The following GSDMA variants were observed in gnomAD, a reference collection of about 807,000 sequenced individuals.
GSDMA encodes the protein gasdermin-A.
A neutral mutation model predicts 54.3 loss-of-function variants in GSDMA; 55 were observed. The observed-to-expected ratio is 1.01, with a 90% CI of 0.82 to 1.27. The LOEUF is 1.27. Ranked by LOEUF, GSDMA falls within the 50% of genes most tolerant of loss-of-function variation. GSDMA has a pLI of 0.00. For synonymous variants in GSDMA, 211 were observed against 224.7 expected, an observed-to-expected ratio of 0.94 and a Z score of 0.54; for missense variants, 542 against 542.6, an observed-to-expected ratio of 1.00 and a Z score of 0.01.
chr17:39,971,040 A>G (rs1006197122), intron 4 of GSDMA, among the ~76,000 whole-genome samples: 1 of 152,260 alleles, frequency 6.6e-6, no homozygotes, highest in Non-Finnish European at 1.5e-5. Flanking sequence ...GGAAAAGCCA[A>G]TGGAAATAAG....
chr17:39,965,644 C>T, intron 1 of GSDMA, 39 bp from the exon 2 acceptor site: 1 of 1,519,218 alleles, frequency 6.6e-7, no homozygotes, highest in East Asian at 2.4e-5. Flanking sequence ...GCAGCCTTGG[C>T]AGCCACCTTG....
chr17:39,971,690 C>A, intron 5 of GSDMA, 70 bp downstream of exon 5: 1 of 1,145,648 alleles, frequency 8.7e-7, no homozygotes, highest in Non-Finnish European at 1.3e-6. Flanking sequence ...GCACCCTGGT[C>A]CCCTCTTGCG....
Position 39,977,061 on chromosome 17 carries a change from T to C in GSDMA, c.*3T>C. On this transcript the variant is annotated 3_prime_UTR_variant, in exon 12 of 12. Coordinates refer to ENST00000301659, the MANE Select transcript of GSDMA (RefSeq NM_178171.5). ...AGCAGCTTACCAAGGCCTCCTAATT[T>C]GCCTTTTACGTCTGCTTCATGACTC... 1.2e-6 allele frequency: 2 copies of C among 1,613,752 alleles called. No homozygotes were observed. The highest frequency in any genetic ancestry group is 4.5e-5 in the East Asian group (2 of 44,860).
chr17:39,966,560 C>G, intron 3 of GSDMA, 123 bp downstream of exon 3: 1 of 875,054 alleles, frequency 1.1e-6, no homozygotes, highest in Non-Finnish European at 1.7e-6. Context: ...GTGGTCATGA[C>G]AGGGGAGCTC....
chr17:39,973,498 G>A (rs1214220970), intron 7 of GSDMA, among the ~76,000 whole-genome samples: 2 of 151,822 alleles, frequency 1.3e-5, no homozygotes, highest in Non-Finnish European at 2.9e-5. Flanking sequence ...CTGACCTCAG[G>A]TGATCCTCCC....
rs1442278430 is a variant in GSDMA, at chr17:39,965,836, G to C, written c.149G>C (p.Gly50Ala). 1 of 1,578,602 alleles carries C rather than the reference G, an allele frequency of 6.3e-7. No individual in the cohort carries two copies. Among genetic ancestry groups the C allele is most frequent in the South Asian group, 1.2e-5 (1 of 86,200 alleles). The change falls in exon 2 of 12, where the codon GGG becomes GCG. Residue 50 changes from glycine (G) to alanine (A), a missense_variant. Coordinates refer to ENST00000301659, the MANE Select transcript of GSDMA (RefSeq NM_178171.5). ...AAGAGGAAGAGCACGCTCTTCTGGG[G>C]GGCCCGGTACGTCCGCACCGACTAC... ...LRKRKSTLFW[G>A]ARYVRTDYTL...
chr17:39,969,208 C>G (rs1399338388), intron 3 of GSDMA, among the ~76,000 whole-genome samples: 1 of 151,732 alleles, frequency 6.6e-6, no homozygotes, highest in African/African-American at 2.4e-5. Flanking sequence ...CAATATTAGC[C>G]GGGCATGGTG....
chr17:39,975,829 A>G, intron 10 of GSDMA, 95 bp from the exon 11 acceptor site: 5 of 913,902 alleles, frequency 5.5e-6, no homozygotes, highest in Non-Finnish European at 8.5e-6. Context: ...ATTACATCCA[A>G]TGAATGAAGG....
chr17:39,971,647 C>A (rs1236011062), intron 5 of GSDMA, 27 bp downstream of exon 5: 2 of 1,559,734 alleles, frequency 1.3e-6, no homozygotes, highest in African/African-American at 2.7e-5. Context: ...ATGTTCTCCC[C>A]ACAAGATGAG....
At chr17:39,973,431 G>A (rs922928511) in intron 7 of GSDMA, among the ~76,000 whole-genome samples, 23 of 146,916 alleles carry the variant, frequency 1.6e-4, no homozygotes, top group African/African-American at 5.3e-4. Flanking sequence ...CACCACACTC[G>A]GCGAATTTTT....
At chr17:39,974,665 T>C (rs1980121842) in intron 9 of GSDMA, among the ~76,000 whole-genome samples, 1 of 152,112 alleles carries the variant, frequency 6.6e-6, no homozygotes, top group African/African-American at 2.4e-5. Context: ...AGGCACATGC[T>C]CCCTCTGATG....
Position 39,974,446 on chromosome 17 carries a change from T to C in GSDMA, c.906+19T>C, listed in dbSNP as rs1321672087. 2 of 1,523,044 alleles carry C rather than the reference T, an allele frequency of 1.3e-6. No individual in the cohort carries two copies. The highest frequency in any genetic ancestry group is 2.8e-5 in the African/African-American group (2 of 70,762). 94.3% of individuals were successfully genotyped at this position (1,523,044 alleles called of 1,614,324 possible). A position where few individuals can be genotyped will look rare whatever the true frequency, so the allele number is the denominator to read the frequency against. ...GCTCGCAGTGAGGACCTAGTGGAAG[T>C]GGGGAAGGGTGGGAGAAGGCATGTT... On this transcript the variant is annotated intron_variant, in intron 9 of 11. Coordinates refer to ENST00000301659, the MANE Select transcript of GSDMA (RefSeq NM_178171.5).
chr17:39,965,858 C>T lies in GSDMA; in HGVS notation c.171C>T (p.Asp57=), dbSNP rs1436196467. ...LFWGARYVRT[D]YTLLDVLEPG... ...GGGGGGCCCGGTACGTCCGCACCGA[C>T]TACACGCTGCTGGATGTGCTTGAGC... The change falls in exon 2 of 12, where the codon GAC becomes GAT. Residue 57 remains aspartate (D), a synonymous_variant. Coordinates refer to ENST00000301659, the MANE Select transcript of GSDMA (RefSeq NM_178171.5). The T allele has an allele frequency of 6.4e-7, 1 of 1,562,998 alleles. No individual in the cohort carries two copies. The highest frequency in any genetic ancestry group is 8.7e-7 in the Non-Finnish European group (1 of 1,154,048).
rs937414388 is a variant in GSDMA, at chr17:39,964,223, A to T, written c.-6+1138A>T. ...TAGCGGAGGACTAGGGAGTCTTCAGATCCGGAAGCGGGTATTGTAAGCAGA... is the reference window on the plus strand; with the variant it reads ...TAGCGGAGGACTAGGGAGTCTTCAGTTCCGGAAGCGGGTATTGTAAGCAGA... On this transcript the variant is annotated intron_variant, in intron 1 of 11. Transcript: ENST00000301659. 2.6e-5 allele frequency among the ~76,000 whole-genome samples: 4 copies of T among 152,170 alleles called. No homozygotes were observed. The East Asian group carries it at 7.7e-4, about 29-fold the overall frequency.
At chr17:39,973,773 T>C (rs769268947) in intron 7 of GSDMA, 37 bp from the exon 8 acceptor site, 16 of 1,588,914 alleles carry the variant, frequency 1.0e-5, no homozygotes, top group Non-Finnish European at 1.3e-5. Context: ...TTCTGAAGGA[T>C]TGCATTCTTA....
chr17:39,966,540 C>A, intron 3 of GSDMA, 103 bp downstream of exon 3: 1 of 1,063,440 alleles, frequency 9.4e-7, no homozygotes, highest in Non-Finnish European at 1.3e-6. Flanking sequence ...TTGCACTGAC[C>A]TTTGCCAATG....
intron 7 of GSDMA, among the ~76,000 whole-genome samples, chr17:39,973,292 CAG>C (rs1284883705): frequency 3.0e-5 from 4 of 135,360 alleles, no homozygotes; most frequent in Middle Eastern, 5.3e-3. Context: ...TTTCTTGAGA[CAG>C]AGTCTCATTC....
rs938737172 is a variant in GSDMA at position 39,977,263 on chromosome 17, G to A, written c.*205G>A. ...CCGCAACCCACTAAGCCCATCTGCT[G>A]ATGCTTAAATTTTCTTTACTTTTCT... On this transcript the variant is annotated 3_prime_UTR_variant, in exon 12 of 12. Transcript: ENST00000301659. 59 of 466,316 alleles carry A rather than the reference G, an allele frequency of 1.3e-4. No homozygotes were observed. In the Admixed American group the frequency reaches 1.8e-3, roughly 14 times the overall value. 28.9% of individuals were successfully genotyped at this position (466,316 alleles called of 1,614,324 possible). A position where few individuals can be genotyped will look rare whatever the true frequency, so the allele number is the denominator to read the frequency against.
chr17:39,969,305 G>A (rs1399456931), intron 3 of GSDMA, among the ~76,000 whole-genome samples: 2 of 149,238 alleles, frequency 1.3e-5, no homozygotes, highest in South Asian at 2.1e-4. Context: ...AGTTATGATC[G>A]AGCCACTGCA....
Sources: gnomAD v4.1 joint callset for allele counts (sites outside exome capture counted in the v4.1 genomes callset) on GRCh38, gnomAD v4.1.1 for gene constraint, MANE v1.5 for transcripts, NCBI Gene and HGNC (gene_info 2026-07-23, HGNC 2026-07-21) for gene names.